The following RIMS2 variants were observed in gnomAD, a reference collection of about 807,000 sequenced individuals.
RIMS2 encodes regulating synaptic membrane exocytosis 2.
RIMS2 carries 59 observed loss-of-function variants against 174.4 expected under a neutral mutation model. The ratio of observed to expected loss-of-function variants is 0.34; its 90% CI spans 0.27 to 0.42. RIMS2 has a LOEUF of 0.42. RIMS2 is among the 10% of genes least tolerant of loss of function. The pLI, the probability that RIMS2 is intolerant of heterozygous loss-of-function variation, is 1.00. For synonymous variants in RIMS2, 606 were observed against 572.5 expected (o/e 1.06, Z -0.84); for missense variants, 1,620 against 1,666.3 (o/e 0.97, Z 0.48).
chr8:103,720,962 C>T (rs2138418903), intron 2 of RIMS2, among the ~76,000 whole-genome samples: 2 of 152,222 alleles, frequency 1.3e-5, no homozygotes, highest in South Asian at 4.1e-4. Context: ...GGATTTGTAT[C>T]CCTGCTCAAA....
At position 103,676,182 on chromosome 8, in the gene RIMS2, T is replaced by C. The variant is rs188558226; in HGVS notation, c.177-20904T>C. Among the ~76,000 whole-genome samples the C allele has an allele frequency of 3.9e-5, 6 of 152,220 alleles. No individual in the cohort carries two copies. The East Asian group carries it at 1.2e-3, about 29-fold the overall frequency. On this transcript the variant is annotated intron_variant, in intron 1 of 23. Transcript: ENST00000504942. ...CCTAGTGACCTAGTCTTCCCTTTCA[T>C]ACACCCTTACAAATGGAAATTTCCT...
At chr8:103,799,333 C>T (rs1263803144) in intron 3 of RIMS2, among the ~76,000 whole-genome samples, 1 of 152,092 alleles carries the variant, frequency 6.6e-6, no homozygotes, top group East Asian at 1.9e-4. Flanking sequence ...TAGATACTCC[C>T]TTGTGTGAAT....
chr8:103,566,250 G>A (rs1165164087), intron 1 of RIMS2, among the ~76,000 whole-genome samples: 3 of 152,100 alleles, frequency 2.0e-5, no homozygotes, highest in East Asian at 1.9e-4. Flanking sequence ...CCCCATTCCT[G>A]TAGCTGGTTT....
At chr8:104,112,299 T>C (rs571508314) in intron 19 of RIMS2, among the ~76,000 whole-genome samples, 29 of 152,228 alleles carry the variant, frequency 1.9e-4, no homozygotes, top group Non-Finnish European at 1.3e-4. Context: ...TTAATCATGA[T>C]TTTAACAAAT....
intron 1 of RIMS2, among the ~76,000 whole-genome samples, chr8:103,543,141 CT>C (rs1843306592): frequency 6.6e-6 from 1 of 152,138 alleles, no homozygotes; most frequent in South Asian, 2.1e-4. Flanking sequence ...AGCCAAAGAA[CT>C]GCTAAAACTA....
At chr8:103,708,913 T>C (rs2137840611) in intron 2 of RIMS2, among the ~76,000 whole-genome samples, 1 of 152,302 alleles carries the variant, frequency 6.6e-6, no homozygotes, top group East Asian at 1.9e-4. Context: ...GTTCCCAGTA[T>C]ATTAGGCAGC....
chr8:103,965,934 G>A (rs2091696000), intron 15 of RIMS2, among the ~76,000 whole-genome samples: 1 of 151,922 alleles, frequency 6.6e-6, no homozygotes, highest in South Asian at 2.1e-4. Context: ...CTGTTGATGT[G>A]GTGGATTACA....
At chr8:103,599,949 T>A (rs1563949357) in intron 1 of RIMS2, among the ~76,000 whole-genome samples, 1 of 152,180 alleles carries the variant, frequency 6.6e-6, no homozygotes, top group Non-Finnish European at 1.5e-5. Context: ...TTATTTTGAC[T>A]ATAGTCACCC....
intron 1 of RIMS2, among the ~76,000 whole-genome samples, chr8:103,602,897 A>G (rs1181173629): frequency 2.6e-5 from 4 of 152,216 alleles, no homozygotes; most frequent in Non-Finnish European, 5.9e-5. Flanking sequence ...GCTTTCCACA[A>G]TGGCTGAAAT....
At chr8:104,253,588 C>T (rs183455401), downstream of RIMS2, 5 of 152,226 alleles carry the variant, frequency 3.3e-5, no homozygotes, top group South Asian at 4.1e-4. Context: ...GTTTTACAGA[C>T]GGTTATTACC....
rs558136620 is a variant in RIMS2 at position 103,980,686 on chromosome 8, G to A, written c.2927+5180G>A. Among the ~76,000 whole-genome samples, 8 of 152,266 alleles carry A rather than the reference G, an allele frequency of 5.3e-5. No homozygotes were observed. The East Asian group carries it at 9.7e-4, about 18-fold the overall frequency. ...TTTCAGTACCTGCCCTGGCCCAGAG[G>A]GGAGCCTATTGCCCTGAAGGGTGAG... On this transcript the variant is annotated intron_variant, in intron 16 of 23. Transcript: ENST00000504942.
chr8:103,594,838 A>G (rs775012075), intron 1 of RIMS2, among the ~76,000 whole-genome samples: 19 of 151,824 alleles, frequency 1.3e-4, no homozygotes, highest in Non-Finnish European at 2.2e-4. Context: ...CATTTACAAT[A>G]TATAAGTATG....
intron 1 of RIMS2, among the ~76,000 whole-genome samples, chr8:103,638,935 T>C (rs1464236993): frequency 6.6e-6 from 1 of 152,044 alleles, no homozygotes; most frequent in Non-Finnish European, 1.5e-5. Flanking sequence ...CTTTAAAATA[T>C]GTAAATTTGC....
intron 1 of RIMS2, among the ~76,000 whole-genome samples, chr8:103,587,074 C>G (rs2093962067): frequency 6.6e-6 from 1 of 151,808 alleles, no homozygotes; most frequent in Non-Finnish European, 1.5e-5. Flanking sequence ...ATCTGAGCAA[C>G]TAACTATATT....
intron 3 of RIMS2, among the ~76,000 whole-genome samples, chr8:103,878,038 A>G (rs1436401594): frequency 6.6e-6 from 1 of 151,726 alleles, no homozygotes; most frequent in African/African-American, 2.4e-5. Context: ...TTGAGACGTG[A>G]TTTGATTTAT....
intron 19 of RIMS2, among the ~76,000 whole-genome samples, chr8:104,220,014 T>C (rs1408920629): frequency 2.0e-5 from 3 of 152,168 alleles, no homozygotes; most frequent in East Asian, 3.9e-4. Flanking sequence ...ATGTTATACA[T>C]AGGAAAACAA....
At chr8:103,666,400 G>T (rs58594820) in intron 1 of RIMS2, among the ~76,000 whole-genome samples, 26,872 of 151,996 alleles carry the variant, frequency 0.18, 2,583 homozygotes, top group African/African-American at 0.24. Context: ...TTGGTCAACC[G>T]GAGAGGTTGA....
intron 5 of RIMS2, chr8:103,910,422 C>T: frequency 6.3e-7 from 1 of 1,596,672 alleles, no homozygotes; most frequent in Non-Finnish European, 8.5e-7. Flanking sequence ...CTTTGGTGGC[C>T]ACTCTTTGGA....
At chr8:104,014,729 G>A (rs2095855894) in intron 19 of RIMS2, 114 bp downstream of exon 21, 2 of 556,584 alleles carry the variant, frequency 3.6e-6, no homozygotes. Context: ...TGTATGCCTT[G>A]TCTGTATTTG....
Sources: gnomAD v4.1 joint callset for allele counts (sites outside exome capture counted in the v4.1 genomes callset) on GRCh38, gnomAD v4.1.1 for gene constraint, MANE v1.5 for transcripts, NCBI Gene and HGNC (gene_info 2026-07-23, HGNC 2026-07-21) for gene names.